Variants in AHCYL2 observed in about 807,000 individuals in gnomAD.
The protein encoded by AHCYL2 is S-adenosylhomocysteine hydrolase-like protein 2.
In AHCYL2, 28 loss-of-function variants were observed where a neutral mutation model predicts 81.4. The ratio of observed to expected loss-of-function variants is 0.34; its 90% confidence interval spans 0.25 to 0.47. The LOEUF (loss-of-function observed/expected upper bound fraction) is 0.47, where lower values mean the gene tolerates loss of function less well. Among genes scored for constraint, AHCYL2 ranks in the 20% least tolerant of loss-of-function variants. The pLI, the probability that AHCYL2 is intolerant of heterozygous loss-of-function variation, is 1.00. For missense variants in AHCYL2, 551 were observed against 785.1 expected, an observed-to-expected ratio of 0.70 and a Z score of 3.56; for synonymous variants, 272 against 290.2, an observed-to-expected ratio of 0.94 and a Z score of 0.64.
intron 12 of AHCYL2, among the ~76,000 whole-genome samples, chr7:129,417,184 A>T (rs1467425627): frequency 6.6e-6 from 1 of 152,184 alleles, no homozygotes; most frequent in Non-Finnish European, 1.5e-5. Context: ...GGAATTTGCC[A>T]TGTGGATTTT....
intron 1 of AHCYL2, among the ~76,000 whole-genome samples, chr7:129,252,983 C>T (rs946525976): frequency 2.6e-5 from 4 of 151,848 alleles, no homozygotes; most frequent in African/African-American, 7.3e-5. Context: ...CTGAGGTGGG[C>T]GGATCATGAG....
At chr7:129,413,154 T>G (rs1796674915) in intron 11 of AHCYL2, among the ~76,000 whole-genome samples, 1 of 148,594 alleles carries the variant, frequency 6.7e-6, no homozygotes. Flanking sequence ...CTTTTTTTTT[T>G]TTTTTGAGAA....
At chr7:129,299,012 A>G (rs924539664) in intron 1 of AHCYL2, among the ~76,000 whole-genome samples, 1 of 152,222 alleles carries the variant, frequency 6.6e-6, no homozygotes, top group African/African-American at 2.4e-5. Context: ...TATATAGGCA[A>G]TACATAAATG....
chr7:129,247,645 G>C (rs917233869), intron 1 of AHCYL2, among the ~76,000 whole-genome samples: 2 of 151,508 alleles, frequency 1.3e-5, no homozygotes, highest in Non-Finnish European at 2.9e-5. Flanking sequence ...CTGTCACCCA[G>C]TTTGGAGTGC....
intron 1 of AHCYL2, among the ~76,000 whole-genome samples, chr7:129,319,906 AT>A (rs530341146): frequency 8.2e-4 from 120 of 146,260 alleles, no homozygotes; most frequent in African/African-American, 2.1e-3. Flanking sequence ...ATATGCTTTC[AT>A]TTTTTTTTTT....
chr7:129,258,052 G>T (rs1795484322), intron 1 of AHCYL2, among the ~76,000 whole-genome samples: 1 of 152,142 alleles, frequency 6.6e-6, no homozygotes, highest in Non-Finnish European at 1.5e-5. Context: ...TTTCTGTATG[G>T]AGGTGATCTT....
chr7:129,332,072 A>T (rs1326497784), intron 1 of AHCYL2, among the ~76,000 whole-genome samples: 1 of 152,020 alleles, frequency 6.6e-6, no homozygotes, highest in Non-Finnish European at 1.5e-5. Flanking sequence ...GATTTTATAA[A>T]TATAAAAATA....
At chr7:129,238,322 T>G (rs1002624678) in intron 1 of AHCYL2, among the ~76,000 whole-genome samples, 5 of 152,180 alleles carry the variant, frequency 3.3e-5, no homozygotes, top group African/African-American at 1.2e-4. Flanking sequence ...GGAGAAAAGA[T>G]GATTGGCCTA....
intron 1 of AHCYL2, among the ~76,000 whole-genome samples, chr7:129,279,373 T>A (rs1295918160): frequency 6.6e-6 from 1 of 152,092 alleles, no homozygotes; most frequent in African/African-American, 2.4e-5. Context: ...GGTCTCACAC[T>A]CCCAACCTCA....
intron 7 of AHCYL2, 23 bp downstream of exon 7, chr7:129,403,508 C>G (rs375465332): frequency 6.6e-7 from 1 of 1,512,410 alleles, no homozygotes; most frequent in East Asian, 2.3e-5. Context: ...ATGGGCATAC[C>G]TGGTTTTATG....
intron 2 of AHCYL2, 95 bp from the exon 3 acceptor site, chr7:129,388,961 C>A: frequency 6.8e-7 from 1 of 1,465,406 alleles, no homozygotes; most frequent in Non-Finnish European, 9.3e-7. Context: ...TTATATGGTG[C>A]TAGGTGGCTA....
At chr7:129,234,257 T>A (rs1020966308) in intron 1 of AHCYL2, among the ~76,000 whole-genome samples, 1 of 151,792 alleles carries the variant, frequency 6.6e-6, no homozygotes, top group Non-Finnish European at 1.5e-5. Context: ...GTCTCTTTTT[T>A]CCCCCTAGAT....
chr7:129,272,541 T>G (rs1796056847), intron 1 of AHCYL2, among the ~76,000 whole-genome samples: 1 of 152,142 alleles, frequency 6.6e-6, no homozygotes, highest in Non-Finnish European at 1.5e-5. Flanking sequence ...GGAGGGACCT[T>G]GAGAAGACAG....
At chr7:129,269,426 C>T (rs1795926458) in intron 1 of AHCYL2, among the ~76,000 whole-genome samples, 1 of 152,122 alleles carries the variant, frequency 6.6e-6, no homozygotes, top group South Asian at 2.1e-4. Context: ...GCTGGGATTA[C>T]AGGCACGCAT....
intron 1 of AHCYL2, among the ~76,000 whole-genome samples, chr7:129,231,390 G>T (rs1563159198): frequency 1.3e-5 from 2 of 152,104 alleles, no homozygotes; most frequent in African/African-American, 4.8e-5. Context: ...TCATTAAAAA[G>T]GGAGAGTGAG....
intron 1 of AHCYL2, among the ~76,000 whole-genome samples, chr7:129,231,470 T>C (rs1246234888): frequency 6.6e-6 from 1 of 152,262 alleles, no homozygotes; most frequent in Non-Finnish European, 1.5e-5. Flanking sequence ...GTAATCTTTA[T>C]TCAGACCCTT....
chr7:129,384,407 C>CATTG (rs1795110260), intron 2 of AHCYL2, among the ~76,000 whole-genome samples: 2 of 148,920 alleles, frequency 1.3e-5, no homozygotes, highest in African/African-American at 4.9e-5. Flanking sequence ...TTCTGTTTTA[C>CATTG]ATTGCTCTAT....
chr7:129,331,321 T>A (rs1213416340), intron 1 of AHCYL2, among the ~76,000 whole-genome samples: 1 of 152,148 alleles, frequency 6.6e-6, no homozygotes, highest in Non-Finnish European at 1.5e-5. Context: ...TTTATTTTAA[T>A]GAAAAACAAT....
chr7:129,311,384 T>A (rs919519220), intron 1 of AHCYL2, among the ~76,000 whole-genome samples: 7 of 152,208 alleles, frequency 4.6e-5, no homozygotes, highest in Non-Finnish European at 8.8e-5. Context: ...TGATCGTACC[T>A]ATTCCTGTGG....
Sources: allele counts gnomAD v4.1 joint callset (sites outside exome capture counted in the v4.1 genomes callset), GRCh38; gene constraint gnomAD v4.1.1; transcripts MANE v1.5; gene names NCBI Gene and HGNC (gene_info 2026-07-23, HGNC 2026-07-21).